The following SUMO3 variants were observed in gnomAD, a reference collection of about 807,000 sequenced individuals.
SUMO3 encodes small ubiquitin like modifier 3.
SUMO3 carries 2 observed loss-of-function variants against 11.1 expected under a neutral mutation model. The ratio of observed to expected loss-of-function variants is 0.18; its 90% CI spans 0.07 to 0.57. SUMO3 has a LOEUF of 0.57. Among genes scored for constraint, SUMO3 ranks in the 20% least tolerant of loss-of-function variants. The probability of loss-of-function intolerance (pLI) is 0.92; values close to 1 mark genes in which losing one functional copy is unlikely to be tolerated. For missense variants in SUMO3, 70 were observed against 132.8 expected (o/e 0.53, Z 2.32); for synonymous variants, 56 against 53.5 (o/e 1.05, Z -0.20).
chr21:44,808,367 G>A (rs57451321), intron 3 of SUMO3: 1 of 532,678 alleles, frequency 1.9e-6, no homozygotes, highest in Admixed American at 4.1e-5. Context: ...AAAAAAATTA[G>A]CCGGGAGTGG....
Position 44,814,102 on chromosome 21 carries a change from C to A in SUMO3, c.24G>T (p.Glu8Asp). 6.2e-7 allele frequency: 1 copy of A among 1,613,128 alleles called. No individual in the cohort carries two copies. The highest frequency in any genetic ancestry group is 1.1e-5 in the South Asian group (1 of 91,072). Residue 8 changes from glutamate to aspartate, a missense_variant and splice_region_variant, in exon 2 of 4, where the codon GAG becomes GAT. Coordinates refer to ENST00000332859, the MANE Select transcript of SUMO3 (RefSeq NM_006936.3). ...TGTGGTCATTCTCTGTCTTCACACC[C>A]TCCTGCAGAAGACACCAGAGACTGG... MSEEKPKEGVKTENDHIN... is the reference protein window; with the variant it reads MSEEKPKDGVKTENDHIN...
At position 44,810,010 on chromosome 21, in the gene SUMO3, G is replaced by A. The variant is rs978217446; in HGVS notation, c.151-892C>T. Reference sequence around the variant, plus strand: ...CCAATGAGGGACAGATAAGAAGGCTGCATGAGGCCGGGGAGCAGTTACCAC... The same window carrying A: ...CCAATGAGGGACAGATAAGAAGGCTACATGAGGCCGGGGAGCAGTTACCAC... On this transcript the variant is annotated intron_variant, in intron 2 of 3. Transcript: ENST00000332859. The surrounding 1 kb of genome is among the most constrained non-coding windows in gnomAD (Gnocchi z 4.1). Among the ~76,000 whole-genome samples the A allele has an allele frequency of 3.3e-5, 5 of 152,204 alleles. No homozygotes were observed. Among genetic ancestry groups the A allele is most frequent in the Admixed American group, 1.3e-4 (2 of 15,280 alleles).
chr21:44,813,546 CAGTGTCT>C, intron 2 of SUMO3: 1 of 429,062 alleles, frequency 2.3e-6, no homozygotes, highest in Non-Finnish European at 4.2e-6. Context: ...CACATGAGGG[CAGTGTCT>C]CTCCAGGGTC....
chr21:44,814,213 C>G (rs114266294), intron 1 of SUMO3, 109 bp from the exon 2 acceptor site: 33 of 1,418,212 alleles, frequency 2.3e-5, no homozygotes, highest in Non-Finnish European at 3.0e-5. Flanking sequence ...TCAAAACCAA[C>G]CTAATTCTTA....
intron 3 of SUMO3, chr21:44,808,685 G>T: frequency 7.4e-7 from 1 of 1,349,224 alleles, no homozygotes; most frequent in Non-Finnish European, 9.7e-7. Context: ...ACTTGTGCAA[G>T]ATGCTTAAAG....
intron 1 of SUMO3, among the ~76,000 whole-genome samples, chr21:44,817,612 C>A (rs1460795784): frequency 1.3e-5 from 2 of 151,424 alleles, no homozygotes; most frequent in African/African-American, 4.9e-5. Flanking sequence ...GGGCGGGATC[C>A]GAGGGCGCCG....
At chr21:44,816,728 A>T (rs1190361234) in intron 1 of SUMO3, among the ~76,000 whole-genome samples, 3 of 152,082 alleles carry the variant, frequency 2.0e-5, no homozygotes, top group Non-Finnish European at 2.9e-5. Context: ...TGCATACCCC[A>T]GGACTGAGAC....
In SUMO3 at chr21:44,818,022, G is replaced by A. The variant is rs1195363271; in HGVS notation, c.-54C>T. 12 of 1,167,122 alleles carry A rather than the reference G, an allele frequency of 1.0e-5. No homozygotes were observed. The highest frequency in any genetic ancestry group is 4.6e-5 in the Admixed American group (1 of 21,534). 72.3% of individuals were successfully genotyped at this position (1,167,122 alleles called of 1,614,324 possible). A position where few individuals can be genotyped will look rare whatever the true frequency, so the allele number is the denominator to read the frequency against. On this transcript the variant is annotated 5_prime_UTR_variant, in exon 1 of 4. Transcript: ENST00000332859. ...GCGGGGGAAGCAGCGCGGAGCGGGC[G>A]AGTCACGCTCTCGGCCCCGCCGCTC...
intron 3 of SUMO3, chr21:44,808,629 G>T: frequency 7.2e-7 from 1 of 1,385,732 alleles, no homozygotes. Context: ...AACGAGCTGT[G>T]CAGACTGATA....
At chr21:44,813,837 G>A (rs745475927) in intron 2 of SUMO3, 139 bp downstream of exon 2, 13 of 1,549,722 alleles carry the variant, frequency 8.4e-6, no homozygotes, top group Admixed American at 3.8e-5. Flanking sequence ...ACAAGCCCCC[G>A]CCTGCCCATC....
At chr21:44,817,817 G>A (rs1169493780) in intron 1 of SUMO3, 131 bp downstream of exon 1, 1 of 148,056 alleles carries the variant, frequency 6.8e-6, no homozygotes, top group Non-Finnish European at 1.5e-5. Flanking sequence ...TAGGGGCGGG[G>A]CTCTAGAGGG....
chr21:44,807,022 C>A lies in SUMO3; in HGVS notation c.241G>T (p.Asp81Tyr). The A allele has an allele frequency of 6.2e-7, 1 of 1,614,014 alleles. No individual in the cohort carries two copies. The highest frequency in any genetic ancestry group is 8.5e-7 in the Non-Finnish European group (1 of 1,180,008). The change falls in exon 4 of 4, where the codon GAC (aspartate) becomes TAC (tyrosine). Residue 81 changes from aspartate to tyrosine, a missense_variant. By Grantham distance (160) the Asp-to-Tyr change is radical. Transcript: ENST00000332859. This position sits in a 1 kb window ranked among gnomAD's most constrained non-coding sequence, Gnocchi z 4.3. ...TGCTGCTGGAACACGTCGATGGTGT[C>A]CTCGTCCTCCATCTCCAGCTGTCAT... Reference protein sequence around the residue: ...TPAQLEMEDEDTIDVFQQQTG... With the variant: ...TPAQLEMEDEYTIDVFQQQTG...
rs531442627 is a variant in SUMO3, at chr21:44,810,919, C to T, written c.151-1801G>A. ...CCCAACACAGGCACACACATGCCCA[C>T]ACCCACACATGCCCACACCCACACA... On this transcript the variant is annotated intron_variant, in intron 2 of 3. Transcript: ENST00000332859. The surrounding 1 kb of genome is among the most constrained non-coding windows in gnomAD (Gnocchi z 4.1). 5.3e-5 allele frequency among the ~76,000 whole-genome samples: 8 copies of T among 151,696 alleles called. No homozygotes were observed. Among genetic ancestry groups the T allele is most frequent in the Admixed American group, 2.0e-4 (3 of 15,242 alleles).
At chr21:44,809,663 G>A (rs2083199084) in intron 2 of SUMO3, among the ~76,000 whole-genome samples, 1 of 152,238 alleles carries the variant, frequency 6.6e-6, no homozygotes, top group South Asian at 2.1e-4. Context: ...ACGTCACAGT[G>A]ACGCTAGCTC....
At chr21:44,814,256 G>A in intron 1 of SUMO3, 152 bp from the exon 2 acceptor site, 1 of 1,062,274 alleles carries the variant, frequency 9.4e-7, no homozygotes, top group Non-Finnish European at 1.3e-6. Flanking sequence ...CACTCGTGAT[G>A]GTTTTATTTT....
Position 44,808,339 on chromosome 21 carries a change from C to T in SUMO3, c.222+708G>A, listed in dbSNP as rs892325830. On this transcript the variant is annotated intron_variant, in intron 3 of 3. Transcript: ENST00000332859. ...CATCCTGGCTAACATGGTGAAACCC[C>T]GTCTCTACTAAAAATACAAAAAAAT... The T allele has an allele frequency of 7.0e-5, 29 of 416,166 alleles. No homozygotes were observed. The Middle Eastern group carries it at 1.9e-3, about 27-fold the overall frequency. The allele number at this position is 416,166 out of a possible 1,614,324, so 25.8% of individuals were successfully genotyped here. A position where few individuals can be genotyped will look rare whatever the true frequency, so the allele number is the denominator to read the frequency against.
At chr21:44,808,550 T>C (rs1167405987) in intron 3 of SUMO3, 2 of 1,402,744 alleles carry the variant, frequency 1.4e-6, no homozygotes, top group African/African-American at 1.5e-5. Flanking sequence ...CAAAGCTCTT[T>C]CCATGACAGT....
At position 44,817,953 on chromosome 21, in the gene SUMO3, G is replaced by A. The variant is rs1286372218; in HGVS notation, c.16C>T (p.Pro6Ser). ...GGCGGGGTCGCCGCGCTTACCTTGG[G>A]CTTCTCCTCGGACATGGCTGCGCGA... is the stretch of plus-strand genomic sequence containing the variant. MSEEK[P>S]KEGVKTENDH... The change falls in exon 1 of 4, where the codon CCC becomes TCC. Residue 6 changes from proline to serine, a missense_variant. Transcript: ENST00000332859. 2.8e-6 allele frequency: 3 copies of A among 1,073,526 alleles called. No homozygotes were observed. The South Asian group carries it at 1.5e-4, about 53-fold the overall frequency. The allele number at this position is 1,073,526 out of a possible 1,614,324, so 66.5% of individuals were successfully genotyped here. A position where few individuals can be genotyped will look rare whatever the true frequency, so the allele number is the denominator to read the frequency against.
At chr21:44,813,683 A>G in intron 2 of SUMO3, 1 of 820,828 alleles carries the variant, frequency 1.2e-6, no homozygotes, top group African/African-American at 1.7e-5. Flanking sequence ...GACTTCACAG[A>G]TGTTAGTACC....
Sources: gnomAD v4.1 joint callset for allele counts (sites outside exome capture counted in the v4.1 genomes callset) on GRCh38, gnomAD v4.1.1 for gene constraint, Gnocchi (gnomAD v3.1) non-coding constraint, MANE v1.5 for transcripts, NCBI Gene and HGNC (gene_info 2026-07-23, HGNC 2026-07-21) for gene names.